The following PDE10A variants were observed in gnomAD, a reference collection of about 807,000 sequenced individuals.
PDE10A encodes phosphodiesterase 10A, also known as cAMP and cAMP-inhibited cGMP 3',5'-cyclic phosphodiesterase 10A.
In PDE10A, 39 loss-of-function variants were observed where a neutral mutation model predicts 97.7. That is an observed-to-expected ratio of 0.40 (90% CI 0.31 to 0.52). PDE10A has a LOEUF of 0.52. Ranked by LOEUF, PDE10A falls within the 20% of genes least tolerant of loss-of-function variation. The pLI, the probability that PDE10A is intolerant of heterozygous loss-of-function variation, is 0.56. For synonymous variants in PDE10A, 371 were observed against 376.8 expected (o/e 0.98, Z 0.18); for missense variants, 731 against 1,047.8 (o/e 0.70, Z 4.17).
chr6:165,520,156 T>A (rs1782047872), intron 2 of PDE10A, among the ~76,000 whole-genome samples: 1 of 152,214 alleles, frequency 6.6e-6, no homozygotes, highest in Non-Finnish European at 1.5e-5. Context: ...AAGTTCCTTC[T>A]AGAAAGTAAT....
intron 1 of PDE10A, among the ~76,000 whole-genome samples, chr6:165,548,320 A>G (rs751136359): frequency 7.7e-6 from 1 of 130,088 alleles, no homozygotes; most frequent in Non-Finnish European, 1.5e-5. Context: ...GTTGGTCTGC[A>G]CTAGGACACA....
chr6:165,842,560 C>T (rs528642748), intron 1 of PDE10A, among the ~76,000 whole-genome samples: 1 of 152,348 alleles, frequency 6.6e-6, no homozygotes, highest in Admixed American at 6.5e-5. Context: ...TTTGGAAATT[C>T]ATCCAGGCCT....
intron 1 of PDE10A, among the ~76,000 whole-genome samples, chr6:165,758,631 A>C (rs1793179776): frequency 6.6e-6 from 1 of 151,472 alleles, no homozygotes; most frequent in Non-Finnish European, 1.5e-5. Flanking sequence ...GAAGAGGAAG[A>C]AGAAGAGGAA....
intron 1 of PDE10A, among the ~76,000 whole-genome samples, chr6:165,732,428 G>A (rs914430545): frequency 1.3e-5 from 2 of 152,196 alleles, no homozygotes; most frequent in Non-Finnish European, 2.9e-5. Context: ...TGAGCACCGC[G>A]TGGTCACAGA....
intron 18 of PDE10A, among the ~76,000 whole-genome samples, chr6:165,365,549 T>G (rs1312929599): frequency 6.6e-6 from 1 of 151,988 alleles, no homozygotes; most frequent in Non-Finnish European, 1.5e-5. Flanking sequence ...TCTCAACAAA[T>G]AATGACAAAA....
intron 18 of PDE10A, among the ~76,000 whole-genome samples, chr6:165,365,110 G>A (rs1783686648): frequency 6.6e-6 from 1 of 151,778 alleles, no homozygotes; most frequent in Non-Finnish European, 1.5e-5. Flanking sequence ...ATAAAAGTTA[G>A]TTTTATTAAA....
At chr6:165,508,830 A>C (rs1185195775) in intron 2 of PDE10A, among the ~76,000 whole-genome samples, 1 of 152,014 alleles carries the variant, frequency 6.6e-6, no homozygotes, top group Non-Finnish European at 1.5e-5. Context: ...TACAAAATTC[A>C]GTGTTAGTAT....
At chr6:165,447,013 T>C (rs952147121) in intron 5 of PDE10A, among the ~76,000 whole-genome samples, 3 of 152,114 alleles carry the variant, frequency 2.0e-5, no homozygotes, top group Admixed American at 1.3e-4. Flanking sequence ...AATTTAGATA[T>C]TGTAGATAGA....
chr6:165,810,383 C>G (rs1779248323), intron 1 of PDE10A, among the ~76,000 whole-genome samples: 1 of 152,156 alleles, frequency 6.6e-6, no homozygotes. Flanking sequence ...CAGAACTAGG[C>G]TCCCCTCCTC....
At chr6:165,494,169 C>T (rs895602602) in intron 2 of PDE10A, among the ~76,000 whole-genome samples, 16 of 151,964 alleles carry the variant, frequency 1.1e-4, no homozygotes, top group African/African-American at 3.9e-4. Context: ...TAAAAAATCA[C>T]TGATGTTGGA....
At chr6:165,668,703 G>GAAAGA (rs1790557838) in intron 1 of PDE10A, among the ~76,000 whole-genome samples, 1 of 143,818 alleles carries the variant, frequency 7.0e-6, no homozygotes, top group African/African-American at 2.6e-5. Flanking sequence ...AAGGAAGGAA[G>GAAAGA]AAAGAAAAGA....
intron 1 of PDE10A, among the ~76,000 whole-genome samples, chr6:165,724,143 G>T (rs77927907): frequency 0.011 from 1,603 of 152,282 alleles, 32 homozygotes; most frequent in African/African-American, 0.037. Context: ...ACTGGGCATG[G>T]TTTATGCTTG....
At chr6:165,551,938 C>T (rs1388134682) in intron 1 of PDE10A, among the ~76,000 whole-genome samples, 1 of 152,064 alleles carries the variant, frequency 6.6e-6, no homozygotes, top group Non-Finnish European at 1.5e-5. Flanking sequence ...CCCTATGCTT[C>T]CCCCATTTCA....
chr6:165,413,220 T>C (rs1183083834), intron 13 of PDE10A, among the ~76,000 whole-genome samples: 1 of 152,226 alleles, frequency 6.6e-6, no homozygotes, highest in Non-Finnish European at 1.5e-5. Context: ...TACCATTAAA[T>C]ATAAGACTGA....
chr6:165,567,611 T>C (rs528118193), intron 1 of PDE10A, among the ~76,000 whole-genome samples: 10 of 152,308 alleles, frequency 6.6e-5, no homozygotes, highest in African/African-American at 2.4e-4. Context: ...TCTCCCCATA[T>C]ACTTAACAGG....
chr6:165,557,649 A>G (rs1017745211), intron 1 of PDE10A, among the ~76,000 whole-genome samples: 1 of 152,220 alleles, frequency 6.6e-6, no homozygotes, highest in African/African-American at 2.4e-5. Flanking sequence ...TTTGCTAGCA[A>G]ATATACCTTC....
intron 1 of PDE10A, among the ~76,000 whole-genome samples, chr6:165,648,090 G>A (rs1184760331): frequency 3.3e-5 from 5 of 152,094 alleles, no homozygotes; most frequent in African/African-American, 1.2e-4. Flanking sequence ...TTGGCTCACT[G>A]CAAGCTCCAC....
At chr6:165,749,862 T>A (rs1362899093) in intron 1 of PDE10A, among the ~76,000 whole-genome samples, 3 of 152,258 alleles carry the variant, frequency 2.0e-5, no homozygotes, top group Non-Finnish European at 4.4e-5. Context: ...TCCTTAGTAT[T>A]TATTAGCCAC....
chr6:165,373,486 A>G (rs1037058821), intron 18 of PDE10A, among the ~76,000 whole-genome samples: 1 of 152,256 alleles, frequency 6.6e-6, no homozygotes, highest in Non-Finnish European at 1.5e-5. Flanking sequence ...AAAAATGCTC[A>G]TCATGACTGG....
Sources: allele counts gnomAD v4.1 joint callset (sites outside exome capture counted in the v4.1 genomes callset), GRCh38; gene constraint gnomAD v4.1.1; transcripts MANE v1.5; gene names NCBI Gene and HGNC (gene_info 2026-07-23, HGNC 2026-07-21).